ZNF778: variants seen among roughly 807,000 people sequenced by gnomAD.
The protein encoded by ZNF778 is zinc finger protein 778.
A neutral mutation model predicts 23.9 loss-of-function variants in ZNF778; 37 were observed. The ratio of observed to expected loss-of-function variants is 1.54; its 90% CI spans 1.19 to 2.03. ZNF778 has a LOEUF of 2.03. Ranked by LOEUF, ZNF778 falls within the 30% of genes most tolerant of loss-of-function variation. ZNF778 has a pLI of 0.00. For synonymous variants in ZNF778, 483 were observed against 343.9 expected (o/e 1.40, Z -4.48); for missense variants, 1,297 against 934.4 (o/e 1.39, Z -5.06).
rs1348456422 is a variant in ZNF778 at position 89,234,780 on chromosome 16, G to C, written c.*6218G>C. 2.6e-5 allele frequency: 4 copies of C among 152,482 alleles called. No individual in the cohort carries two copies. The highest frequency in any genetic ancestry group is 9.7e-5 in the African/African-American group (4 of 41,440). 9.4% of individuals were successfully genotyped at this position (152,482 alleles called of 1,614,324 possible). A position where few individuals can be genotyped will look rare whatever the true frequency, so the allele number is the denominator to read the frequency against. ...AAAATAGAAAAATTGGCTAGATGTG[G>C]TGGTGCACGCCTGTAATCCCAGCTC... On this transcript the variant is annotated 3_prime_UTR_variant, in exon 7 of 7. Transcript: ENST00000433976.
intron 3 of ZNF778, among the ~76,000 whole-genome samples, 190 bp from the exon 4 acceptor site, chr16:89,222,965 CAG>C (rs141057590): frequency 0.8 from 120,561 of 150,556 alleles, 50,577 homozygotes; most frequent in Non-Finnish European, 0.92. Context: ...AGGAGAGCGA[CAG>C]GGTGCGCGTG....
chr16:89,224,711 G>C lies in ZNF778; in HGVS notation c.245-8G>C, dbSNP rs1359441795. 1 of 1,534,136 alleles carries C rather than the reference G, an allele frequency of 6.5e-7. No homozygotes were observed. On this transcript the variant is annotated splice_polypyrimidine_tract_variant and splice_region_variant and intron_variant, in intron 4 of 6. Coordinates refer to ENST00000433976, the MANE Select transcript of ZNF778 (RefSeq NM_001201407.2). ...CTCTTCCATCGATGTCTCTTTCCCT[G>C]TGTACAGGACATCACCTGTTCCAAC...
chr16:89,231,710 T>TTA lies in ZNF778; in HGVS notation c.*3148_*3149insTA, dbSNP rs1191757077. 6.6e-6 allele frequency: 1 copy of TTA among 152,144 alleles called. No homozygotes were observed. The highest frequency in any genetic ancestry group is 2.4e-5 in the African/African-American group (1 of 41,414). The allele number at this position is 152,144 out of a possible 1,614,324, so 9.4% of individuals were successfully genotyped here. A position where few individuals can be genotyped will look rare whatever the true frequency, so the allele number is the denominator to read the frequency against. On this transcript the variant is annotated 3_prime_UTR_variant, in exon 7 of 7. Coordinates refer to ENST00000433976, the MANE Select transcript of ZNF778 (RefSeq NM_001201407.2). ...ATCTGGTAGGAGTTAGTAGTGTCTG[T>TTA]GAAGTCTCAATAATTGATACCAAAA...
intron 6 of ZNF778, among the ~76,000 whole-genome samples, chr16:89,226,475 G>T (rs2031481361): frequency 6.6e-6 from 1 of 152,210 alleles, no homozygotes; most frequent in Non-Finnish European, 1.5e-5. Flanking sequence ...AAAGTTCTGG[G>T]ATTACAGGCA....
At chr16:89,221,724 T>A (rs1235090824) in intron 2 of ZNF778, among the ~76,000 whole-genome samples, 2 of 151,696 alleles carry the variant, frequency 1.3e-5, no homozygotes, top group Non-Finnish European at 2.9e-5. Context: ...ACTGTATGGC[T>A]GTGTGTGTCT....
rs1283024968 is a variant in ZNF778, at chr16:89,236,121, G to T, written c.*7559G>T. On this transcript the variant is annotated 3_prime_UTR_variant, in exon 7 of 7. Coordinates refer to ENST00000433976, the MANE Select transcript of ZNF778 (RefSeq NM_001201407.2). Reference sequence around the variant, plus strand: ...GAACCCGGGAGGCAGAGCATGCAGTGAGCTGAGATTGCACCACTGCACTCC... The same window carrying T: ...GAACCCGGGAGGCAGAGCATGCAGTTAGCTGAGATTGCACCACTGCACTCC... 1.3e-5 allele frequency: 2 copies of T among 152,192 alleles called. No individual in the cohort carries two copies. Among genetic ancestry groups the T allele is most frequent in the South Asian group, 4.1e-4 (2 of 4,836 alleles). The allele number at this position is 152,192 out of a possible 1,614,324, so 9.4% of individuals were successfully genotyped here. A position where few individuals can be genotyped will look rare whatever the true frequency, so the allele number is the denominator to read the frequency against.
rs1195196318 is a variant in ZNF778 at position 89,235,400 on chromosome 16, C to G, written c.*6838C>G. ...CTGCAGCAGCAAACACATCATCAGC[C>G]TTAGGAGCTGGCCTGTGAGGTTGAC... On this transcript the variant is annotated 3_prime_UTR_variant, in exon 7 of 7. Transcript: ENST00000433976. The G allele has an allele frequency of 1.3e-5, 2 of 152,208 alleles. No individual in the cohort carries two copies. The highest frequency in any genetic ancestry group is 6.6e-5 in the Admixed American group (1 of 15,264). 9.4% of individuals were successfully genotyped at this position (152,208 alleles called of 1,614,324 possible). A position where few individuals can be genotyped will look rare whatever the true frequency, so the allele number is the denominator to read the frequency against.
In ZNF778 at chr16:89,233,103, G is replaced by A. The variant is rs187745392; in HGVS notation, c.*4541G>A. On this transcript the variant is annotated 3_prime_UTR_variant, in exon 7 of 7. Coordinates refer to ENST00000433976, the MANE Select transcript of ZNF778 (RefSeq NM_001201407.2). Reference sequence around the variant, plus strand: ...GCGTATGCAACTCAGCTCGCACTGCGTATGCAAGTCAGCTCGCTCTGCGTA... The same window carrying A: ...GCGTATGCAACTCAGCTCGCACTGCATATGCAAGTCAGCTCGCTCTGCGTA... 38 of 443,806 alleles carry A rather than the reference G, an allele frequency of 8.6e-5. 14 individuals carry two copies. Among genetic ancestry groups the A allele is most frequent in the Admixed American group, 2.7e-4 (6 of 22,362 alleles). The allele number at this position is 443,806 out of a possible 1,614,324, so 27.5% of individuals were successfully genotyped here. A position where few individuals can be genotyped will look rare whatever the true frequency, so the allele number is the denominator to read the frequency against.
Position 89,223,289 on chromosome 16 carries a change from G to T in ZNF778, c.244+6G>T. On this transcript the variant is annotated splice_donor_region_variant and intron_variant, in intron 4 of 6. Coordinates refer to ENST00000433976, the MANE Select transcript of ZNF778 (RefSeq NM_001201407.2). ...CGAGAACCTGGCCTCAGTAGGTGAG[G>T]CTGCCACCGTCCTTTGCAACTTCTG... The T allele has an allele frequency of 6.2e-7, 1 of 1,613,838 alleles. No individual in the cohort carries two copies. The highest frequency in any genetic ancestry group is 8.5e-7 in the Non-Finnish European group (1 of 1,179,920).
intron 2 of ZNF778, among the ~76,000 whole-genome samples, chr16:89,221,587 G>GTGTGTGTTTTCCTGAGGCACTGTATGGC (rs2030953040): frequency 1.2e-4 from 3 of 25,386 alleles, no homozygotes; most frequent in Non-Finnish European, 8.8e-4. Flanking sequence ...GTATGGCTGT[G>GTGTGTGTTTTCCTGAGGCACTGTATGGC]TGTGTGTGTG....
chr16:89,227,915 A>G lies in ZNF778; in HGVS notation c.1627A>G (p.Asn543Asp), dbSNP rs371697256. 1.9e-6 allele frequency: 3 copies of G among 1,614,028 alleles called. No individual in the cohort carries two copies. Among genetic ancestry groups the G allele is most frequent in the Middle Eastern group, 1.7e-4 (1 of 6,058 alleles). The change falls in exon 7 of 7, where the codon AAT becomes GAT. Residue 543 changes from asparagine (N) to aspartate (D), a missense_variant. By Grantham distance (23) the Asn-to-Asp change is conservative. Coordinates refer to ENST00000433976, the MANE Select transcript of ZNF778 (RefSeq NM_001201407.2). Reference protein sequence around the residue: ...YECKDCGKAYNRVYLLNEHVK... With the variant: ...YECKDCGKAYDRVYLLNEHVK... ...ATGTAAGGACTGTGGGAAAGCCTAC[A>G]ATAGGGTTTATCTACTGAATGAGCA...
chr16:89,222,189 C>A lies in ZNF778; in HGVS notation c.117+6C>A. 1 of 1,591,494 alleles carries A rather than the reference C, an allele frequency of 6.3e-7. No individual in the cohort carries two copies. ...GGCTGATAAATTGTTACCAGGTATG[C>A]CAAAACTGTATTTTTTCTTAAAATA... On this transcript the variant is annotated splice_donor_region_variant and intron_variant, in intron 3 of 6. Transcript: ENST00000433976.
rs143730227 is a variant in ZNF778, at chr16:89,227,022, G to A, written c.734G>A (p.Gly245Glu). Residue 245 changes from glycine (G) to glutamate (E), a missense_variant, in exon 7 of 7, where the codon GGA (glycine) becomes GAA (glutamate). Physicochemically the swap from Gly to Glu is moderately conservative, Grantham distance 98 (BLOSUM62 -2). Coordinates refer to ENST00000433976, the MANE Select transcript of ZNF778 (RefSeq NM_001201407.2). Reference sequence around the variant, plus strand: ...CAGTCATACCTTCAGGCACGTGCGGGAAGTCACAACGGAGAAGAAACATGG... The same window carrying A: ...CAGTCATACCTTCAGGCACGTGCGGAAAGTCACAACGGAGAAGAAACATGG... Reference protein sequence around the residue: ...LNQSYLQARAGSHNGEETWKW... With the variant: ...LNQSYLQARAESHNGEETWKW... 173 of 1,613,986 alleles carry A rather than the reference G, an allele frequency of 1.1e-4. 1 individual carries two copies. The African/African-American group carries it at 2.1e-3, about 20-fold the overall frequency.
intron 1 of ZNF778, among the ~76,000 whole-genome samples, chr16:89,219,422 C>T (rs1317635502): frequency 6.6e-6 from 1 of 152,212 alleles, no homozygotes; most frequent in East Asian, 1.9e-4. Context: ...CACCTTATGC[C>T]TTTGGGTCCA....
chr16:89,225,555 A>C lies in ZNF778; in HGVS notation c.329A>C (p.Glu110Ala), dbSNP rs765727041. The change falls in exon 6 of 7, where the codon GAA becomes GCA. Residue 110 changes from glutamate (E) to alanine (A), a missense_variant and splice_region_variant. By Grantham distance (107) the Glu-to-Ala change is moderately radical. Transcript: ENST00000433976. Reference sequence around the variant, plus strand: ...TTAGGTCATTCTTCTTTCTTTTCAGAATGGCGACTTAAAACCAAAGGGCCA... The same window carrying C: ...TTAGGTCATTCTTCTTTCTTTTCAGCATGGCGACTTAAAACCAAAGGGCCA... ...LRAGRRAVLQ[E>A]WRLKTKGPAL... 2.3e-5 allele frequency: 37 copies of C among 1,607,468 alleles called. No individual in the cohort carries two copies. The highest frequency in any genetic ancestry group is 3.0e-5 in the Non-Finnish European group (35 of 1,176,516).
chr16:89,230,124 G>A lies in ZNF778; in HGVS notation c.*1562G>A, dbSNP rs2031837234. 4.0e-6 allele frequency: 3 copies of A among 747,312 alleles called. No homozygotes were observed. Among genetic ancestry groups the A allele is most frequent in the Non-Finnish European group, 4.9e-6 (3 of 613,906 alleles). The allele number at this position is 747,312 out of a possible 1,614,324, so 46.3% of individuals were successfully genotyped here. A position where few individuals can be genotyped will look rare whatever the true frequency, so the allele number is the denominator to read the frequency against. ...CCTGTAGGGTCCCACACTGGCCAATGTTGGGGCATAACACAGCTCTACATT... is the reference window on the plus strand; with the variant it reads ...CCTGTAGGGTCCCACACTGGCCAATATTGGGGCATAACACAGCTCTACATT... On this transcript the variant is annotated 3_prime_UTR_variant, in exon 7 of 7. Coordinates refer to ENST00000433976, the MANE Select transcript of ZNF778 (RefSeq NM_001201407.2).
chr16:89,222,910 AGG>A (rs1268431046), intron 3 of ZNF778, among the ~76,000 whole-genome samples: 2 of 11,606 alleles, frequency 1.7e-4, no homozygotes, highest in Non-Finnish European at 2.2e-3. Context: ...GGAGAGCGAC[AGG>A]GTGCGCGTGA....
In ZNF778 at chr16:89,229,491, A is replaced by C; in HGVS notation, c.*929A>C. 2 of 971,328 alleles carry C rather than the reference A, an allele frequency of 2.1e-6. No individual in the cohort carries two copies. Among genetic ancestry groups the C allele is most frequent in the Non-Finnish European group, 2.4e-6 (2 of 826,994 alleles). The allele number at this position is 971,328 out of a possible 1,614,324, so 60.2% of individuals were successfully genotyped here. A position where few individuals can be genotyped will look rare whatever the true frequency, so the allele number is the denominator to read the frequency against. ...TGAGCAGCGTAGGCTCTGGTTGGTT[A>C]GTCTTGAGGATCCAGATGTGATTCT... is the stretch of plus-strand genomic sequence containing the variant. On this transcript the variant is annotated 3_prime_UTR_variant, in exon 7 of 7. Coordinates refer to ENST00000433976, the MANE Select transcript of ZNF778 (RefSeq NM_001201407.2).
chr16:89,227,012 G>A lies in ZNF778; in HGVS notation c.724G>A (p.Ala242Thr). The A allele has an allele frequency of 1.2e-6, 2 of 1,613,932 alleles. No homozygotes were observed. The highest frequency in any genetic ancestry group is 1.1e-5 in the South Asian group (1 of 91,080). The change falls in exon 7 of 7, where the codon GCA becomes ACA. Residue 242 changes from alanine (A) to threonine (T), a missense_variant. Coordinates refer to ENST00000433976, the MANE Select transcript of ZNF778 (RefSeq NM_001201407.2). ...GTTCCTTAATCAGTCATACCTTCAG[G>A]CACGTGCGGGAAGTCACAACGGAGA... ...EVFLNQSYLQ[A>T]RAGSHNGEET...
Sources: allele counts gnomAD v4.1 joint callset (sites outside exome capture counted in the v4.1 genomes callset), GRCh38; gene constraint gnomAD v4.1.1; transcripts MANE v1.5; gene names NCBI Gene and HGNC (gene_info 2026-07-23, HGNC 2026-07-21).